The following CKAP2 variants were observed in gnomAD, a reference collection of about 807,000 sequenced individuals.
The protein encoded by CKAP2 is cytoskeleton-associated protein 2.
Under a neutral mutation model 58.4 loss-of-function variants are expected in CKAP2, and 46 were observed. The ratio of observed to expected loss-of-function variants is 0.79; its 90% CI spans 0.62 to 1.01. The LOEUF (loss-of-function observed/expected upper bound fraction) is 1.01, where lower values mean the gene tolerates loss of function less well. CKAP2 is among the 50% of genes least tolerant of loss of function. The pLI, the probability that CKAP2 is intolerant of heterozygous loss-of-function variation, is 0.00. For missense variants in CKAP2, 809 were observed against 796.4 expected (o/e 1.02, Z -0.19); for synonymous variants, 293 against 280.9 (o/e 1.04, Z -0.43).
In CKAP2 at chr13:52,462,472, T is replaced by A; in HGVS notation, c.1210T>A (p.Ser404Thr). Residue 404 changes from serine (S) to threonine (T), a missense_variant, in exon 5 of 9, where the codon TCT (serine) becomes ACT (threonine). This residue lies in a region of CKAP2 where 523 missense variants were observed against 492.4 expected (regional missense o/e 1.06). Coordinates refer to ENST00000258607, the MANE Select transcript of CKAP2 (RefSeq NM_018204.5). ...PAGQNEKPVGSFWTTMAEEDE... is the reference protein window; with the variant it reads ...PAGQNEKPVGTFWTTMAEEDE... ...AGGACAAAATGAAAAACCAGTTGGGTCTTTTTGGACTACCATGGCAGAAGA... is the reference window on the plus strand; with the variant it reads ...AGGACAAAATGAAAAACCAGTTGGGACTTTTTGGACTACCATGGCAGAAGA... 1 of 1,614,112 alleles carries A rather than the reference T, an allele frequency of 6.2e-7. No individual in the cohort carries two copies. The highest frequency in any genetic ancestry group is 8.5e-7 in the Non-Finnish European group (1 of 1,180,010).
chr13:52,456,504 TCTTAC>T lies in CKAP2; in HGVS notation c.71-15_71-11del, dbSNP rs751101065. The T allele has an allele frequency of 4.5e-6, 7 of 1,572,336 alleles. No homozygotes were observed. In the African/African-American group the frequency reaches 6.8e-5, roughly 15 times the overall value. On this transcript the variant is annotated splice_polypyrimidine_tract_variant and intron_variant, in intron 1 of 8. Coordinates refer to ENST00000258607, the MANE Select transcript of CKAP2 (RefSeq NM_018204.5). ...GTTTTAACTAATATTGACTTGTAGC[TCTTAC>T]CTTTGTTATCTAGAGCAAAGAAGAC... is the stretch of plus-strand genomic sequence containing the variant.
intron 7 of CKAP2, among the ~76,000 whole-genome samples, chr13:52,471,593 A>T (rs1423028809): frequency 6.6e-6 from 1 of 151,916 alleles, no homozygotes; most frequent in African/African-American, 2.4e-5. Flanking sequence ...CCAAACTTGA[A>T]CACATAATTT....
chr13:52,455,992 C>T (rs926802215), intron 1 of CKAP2: 1 of 1,079,158 alleles, frequency 9.3e-7, no homozygotes, highest in Non-Finnish European at 1.1e-6. Flanking sequence ...CTGGGTCCTC[C>T]GCCTCTTAGG....
intron 7 of CKAP2, among the ~76,000 whole-genome samples, chr13:52,470,306 T>C (rs941731716): frequency 1.3e-4 from 20 of 152,212 alleles, no homozygotes; most frequent in Admixed American, 3.3e-4. Context: ...GGTTTTGCCA[T>C]GTTAGGCAGG....
intron 7 of CKAP2, among the ~76,000 whole-genome samples, chr13:52,471,047 A>C (rs1958754930): frequency 6.6e-6 from 1 of 152,036 alleles, no homozygotes; most frequent in African/African-American, 2.4e-5. Context: ...AATCCCAGCT[A>C]CTCGGGGGGC....
chr13:52,468,101 T>C (rs1036397781), intron 6 of CKAP2, among the ~76,000 whole-genome samples, 177 bp from the exon 7 acceptor site: 1 of 152,102 alleles, frequency 6.6e-6, no homozygotes, highest in African/African-American at 2.4e-5. Flanking sequence ...TGAGCCATCG[T>C]GCCCAGCCAA....
At chr13:52,469,777 T>C (rs1958736533) in intron 7 of CKAP2, among the ~76,000 whole-genome samples, 1 of 150,044 alleles carries the variant, frequency 6.7e-6, no homozygotes, top group Admixed American at 6.6e-5. Context: ...TTTGTATTTT[T>C]AGTAGAGACG....
At position 52,461,092 on chromosome 13, in the gene CKAP2, G is replaced by C. The variant is rs546281774; in HGVS notation, c.266G>C (p.Ser89Thr). ...GAAAACATGAAGAGACCTGCAGAGA[G>C]CAAAAATAATACAGTGGTGGGGAAA... ...DKENMKRPAESKNNTVVGKHC... is the reference protein window; with the variant it reads ...DKENMKRPAETKNNTVVGKHC... The change falls in exon 4 of 9, where the codon AGC becomes ACC. Residue 89 changes from serine to threonine, a missense_variant. Coordinates refer to ENST00000258607, the MANE Select transcript of CKAP2 (RefSeq NM_018204.5). 1 of 1,604,318 alleles carries C rather than the reference G, an allele frequency of 6.2e-7. No individual in the cohort carries two copies. Among genetic ancestry groups the C allele is most frequent in the Admixed American group, 1.7e-5 (1 of 57,532 alleles).
At chr13:52,466,398 A>C (rs1196736122) in intron 6 of CKAP2, among the ~76,000 whole-genome samples, 1 of 152,236 alleles carries the variant, frequency 6.6e-6, no homozygotes, top group Non-Finnish European at 1.5e-5. Flanking sequence ...AACGAACGCT[A>C]TTTGACTTTT....
At chr13:52,463,900 G>A (rs74087304) in intron 5 of CKAP2, among the ~76,000 whole-genome samples, 2 of 152,174 alleles carry the variant, frequency 1.3e-5, no homozygotes, top group South Asian at 2.1e-4. Context: ...TCACCTTGTC[G>A]CCTGTAGGTA....
intron 6 of CKAP2, chr13:52,465,682 A>G (rs1958657281): frequency 4.8e-6 from 3 of 630,726 alleles, no homozygotes; most frequent in South Asian, 3.2e-5. Flanking sequence ...GAAAATGGAT[A>G]TAAGCTGAAA....
Position 52,455,608 on chromosome 13 carries a change from G to A in CKAP2, c.52G>A (p.Ala18Thr), listed in dbSNP as rs760674756. Residue 18 changes from alanine (A) to threonine (T), a missense_variant, in exon 1 of 9, where the codon GCG becomes ACG. Transcript: ENST00000258607. ...CCTGCAGCTGCCCCCGAGTCAGAGG[G>A]CGCAGTCCGCATTCAAAGGTGAAGG... ...QDLQLPPSQRAQSAFKEQRRQ... is the reference protein window; with the variant it reads ...QDLQLPPSQRTQSAFKEQRRQ... 10 of 1,610,952 alleles carry A rather than the reference G, an allele frequency of 6.2e-6. No homozygotes were observed. The highest frequency in any genetic ancestry group is 2.7e-5 in the African/African-American group (2 of 74,556).
In CKAP2 at chr13:52,461,664, A is replaced by G. The variant is rs368666806; in HGVS notation, c.838A>G (p.Ile280Val). 4 of 1,614,168 alleles carry G rather than the reference A, an allele frequency of 2.5e-6. 1 individual carries two copies. The South Asian group carries it at 3.3e-5, about 13-fold the overall frequency. Residue 280 changes from isoleucine to valine, a missense_variant, in exon 4 of 9, where the codon ATC becomes GTC. Coordinates refer to ENST00000258607, the MANE Select transcript of CKAP2 (RefSeq NM_018204.5). ...GISRTSANVT[I>V]RKGPHEKELL... Reference sequence around the variant, plus strand: ...CAGTAGAACTTCTGCCAATGTTACAATCCGGAAAGGGCCTCATGAAAAAGA... The same window carrying G: ...CAGTAGAACTTCTGCCAATGTTACAGTCCGGAAAGGGCCTCATGAAAAAGA...
chr13:52,455,681 GGCC>G, intron 1 of CKAP2, 55 bp downstream of exon 1: 7 of 1,430,026 alleles, frequency 4.9e-6, no homozygotes, highest in Non-Finnish European at 1.8e-6. Context: ...GGCGGGCGCG[GGCC>G]CGGCGGTCGG....
chr13:52,455,536 A>G lies in CKAP2; in HGVS notation c.-21A>G. ...TATCTTGGCGCTAAAGCGGAGACGC[A>G]TCCCCCGACCCGAGGCTACGATGAG... is the stretch of plus-strand genomic sequence containing the variant. On this transcript the variant is annotated 5_prime_UTR_variant, in exon 1 of 9. Transcript: ENST00000258607. 7 of 1,612,794 alleles carry G rather than the reference A, an allele frequency of 4.3e-6. No homozygotes were observed. The highest frequency in any genetic ancestry group is 5.1e-6 in the Non-Finnish European group (6 of 1,179,734).
rs1187875942 is a variant in CKAP2, at chr13:52,475,782, A to G, written c.*641A>G. On this transcript the variant is annotated 3_prime_UTR_variant, in exon 9 of 9. Coordinates refer to ENST00000258607, the MANE Select transcript of CKAP2 (RefSeq NM_018204.5). Reference sequence around the variant, plus strand: ...GTCTGTAGTTTCGTGGCCTCTTTTGATTATAACTGGGGTCACCAAGAAGGT... The same window carrying G: ...GTCTGTAGTTTCGTGGCCTCTTTTGGTTATAACTGGGGTCACCAAGAAGGT... The G allele has an allele frequency of 6.6e-6, 1 of 152,156 alleles. No individual in the cohort carries two copies. Among genetic ancestry groups the G allele is most frequent in the Non-Finnish European group, 1.5e-5 (1 of 68,032 alleles). 9.4% of individuals were successfully genotyped at this position (152,156 alleles called of 1,614,324 possible).
rs572109792 is a variant in CKAP2, at chr13:52,456,061, C to T, written c.70+435C>T. 22 of 1,025,582 alleles carry T rather than the reference C, an allele frequency of 2.1e-5. No individual in the cohort carries two copies. The African/African-American group carries it at 3.8e-4, about 18-fold the overall frequency. 63.5% of individuals were successfully genotyped at this position (1,025,582 alleles called of 1,614,324 possible). On this transcript the variant is annotated intron_variant, in intron 1 of 8. Coordinates refer to ENST00000258607, the MANE Select transcript of CKAP2 (RefSeq NM_018204.5). ...TCATGTGTTATTTCCAATTTCACAG[C>T]TTCTCCTTCGACTTTATGGAAACCG...
At position 52,461,460 on chromosome 13, in the gene CKAP2, C is replaced by G; in HGVS notation, c.634C>G (p.Pro212Ala). 6.2e-7 allele frequency: 1 copy of G among 1,614,090 alleles called. No homozygotes were observed. Among genetic ancestry groups the G allele is most frequent in the Non-Finnish European group, 8.5e-7 (1 of 1,180,018 alleles). ...AACAAAGAAACTTTCAGCCACTATA[C>G]CTAAAGCCACAAAACCTCAGCCTGT... ...AATKKLSATI[P>A]KATKPQPVNT... Residue 212 changes from proline (P) to alanine (A), a missense_variant, in exon 4 of 9, where the codon CCT becomes GCT. Around this residue, in one of 3 missense-constraint regions of CKAP2, gnomAD observed 523 missense variants for 492.4 expected, o/e 1.06. Transcript: ENST00000258607.
intron 5 of CKAP2, 114 bp downstream of exon 5, chr13:52,462,681 G>A (rs906739741): frequency 1.5e-5 from 12 of 775,922 alleles, no homozygotes; most frequent in Non-Finnish European, 2.4e-5. Context: ...GTGATACTAT[G>A]TTGACTTAAC....
Sources: allele counts gnomAD v4.1 joint callset (sites outside exome capture counted in the v4.1 genomes callset), GRCh38; gene constraint gnomAD v4.1.1; regional missense constraint gnomAD v4.1.1; transcripts MANE v1.5; gene names NCBI Gene and HGNC (gene_info 2026-07-23, HGNC 2026-07-21).